PSMC5: variants seen among roughly 807,000 people sequenced by gnomAD.
The protein encoded by PSMC5 is 26S proteasome regulatory subunit 8.
Under a neutral mutation model 49.1 loss-of-function variants are expected in PSMC5, and 11 were observed. The observed-to-expected ratio is 0.22, with a 90% CI of 0.14 to 0.37. The LOEUF (loss-of-function observed/expected upper bound fraction) is 0.37, where lower values mean the gene tolerates loss of function less well. Ranked by LOEUF, PSMC5 falls within the 10% of genes least tolerant of loss-of-function variation. PSMC5 has a pLI of 1.00. For synonymous variants in PSMC5, 206 were observed against 192.2 expected (o/e 1.07, Z -0.59); for missense variants, 229 against 520.9 (o/e 0.44, Z 5.45).
At position 63,831,830 on chromosome 17, in the gene PSMC5, T is replaced by C. The variant is rs747135885; in HGVS notation, c.1167+20T>C. 3 of 1,613,772 alleles carry C rather than the reference T, an allele frequency of 1.9e-6. No individual in the cohort carries two copies. The highest frequency in any genetic ancestry group is 2.5e-6 in the Non-Finnish European group (3 of 1,179,768). On this transcript the variant is annotated intron_variant, in intron 11 of 11. Transcript: ENST00000310144. This position sits in a 1 kb window ranked among gnomAD's most constrained non-coding sequence, Gnocchi z 6.3. Reference sequence around the variant, plus strand: ...GCCAAGGTATAGGCCTCCATCTTTGTGCCTTTGCCAGTGGTGGCTCTGGGG... The same window carrying C: ...GCCAAGGTATAGGCCTCCATCTTTGCGCCTTTGCCAGTGGTGGCTCTGGGG...
Position 63,830,657 on chromosome 17 carries a change from G to A in PSMC5, c.553-152G>A. ...GAGTGGCTGGGGAAGTGTTCCTAGGGCGGTGAGGTGGTTTGGATAGAAGGG... is the reference window on the plus strand; with the variant it reads ...GAGTGGCTGGGGAAGTGTTCCTAGGACGGTGAGGTGGTTTGGATAGAAGGG... On this transcript the variant is annotated intron_variant, in intron 6 of 11. Transcript: ENST00000310144. This position sits in a 1 kb window ranked among gnomAD's most constrained non-coding sequence, Gnocchi z 4.0. The A allele has an allele frequency of 1.4e-6, 2 of 1,454,592 alleles. No individual in the cohort carries two copies. 90.1% of individuals were successfully genotyped at this position (1,454,592 alleles called of 1,614,324 possible).
Position 63,828,171 on chromosome 17 carries a change from C to T in PSMC5, c.58C>T (p.Leu20Phe), listed in dbSNP as rs2040135152. Residue 20 changes from leucine (L) to phenylalanine (F), a missense_variant, in exon 2 of 12, where the codon CTC becomes TTC. Transcript: ENST00000310144. ...ELEEGKAGSG[L>F]RQYYLSKIEE... ...GGAGGAGGGGAAGGCAGGCAGCGGA[C>T]TCCGCCAATATTATCTGTCCAAGAT... 1 of 1,614,132 alleles carries T rather than the reference C, an allele frequency of 6.2e-7. No homozygotes were observed. Among genetic ancestry groups the T allele is most frequent in the Admixed American group, 1.7e-5 (1 of 60,016 alleles).
chr17:63,829,826 G>T, intron 3 of PSMC5, 26 bp from the exon 4 acceptor site: 1 of 1,610,832 alleles, frequency 6.2e-7, no homozygotes, highest in South Asian at 1.1e-5. Context: ...GTAGCTAGGT[G>T]ACCACTGTGT....
At chr17:63,827,904 C>T (rs756399375) in intron 1 of PSMC5, 118 of 1,408,224 alleles carry the variant, frequency 8.4e-5, no homozygotes, top group Non-Finnish European at 1.0e-4. Flanking sequence ...GCCTCTCGGT[C>T]CTCCTAAAAG....
chr17:63,828,674 C>A, intron 2 of PSMC5: 1 of 160,000 alleles, frequency 6.3e-6, no homozygotes, highest in Non-Finnish European at 1.4e-5. Context: ...GAGCCCTAGC[C>A]TAAAGCGCTA....
rs758978423 is a variant in PSMC5, at chr17:63,831,825, CT to C, written c.1167+18del. 11 of 1,613,938 alleles carry C rather than the reference CT, an allele frequency of 6.8e-6. No individual in the cohort carries two copies. The highest frequency in any genetic ancestry group is 1.6e-4 in the Middle Eastern group (1 of 6,062). ...CAGTAGCCAAGGTATAGGCCTCCAT[CT>C]TTGTGCCTTTGCCAGTGGTGGCTCT... is the stretch of plus-strand genomic sequence containing the variant. On this transcript the variant is annotated intron_variant, in intron 11 of 11. Transcript: ENST00000310144. This position sits in a 1 kb window ranked among gnomAD's most constrained non-coding sequence, Gnocchi z 6.3.
chr17:63,830,678 A>G lies in PSMC5; in HGVS notation c.553-131A>G, dbSNP rs1221063923. On this transcript the variant is annotated intron_variant, in intron 6 of 11. Transcript: ENST00000310144. The surrounding 1 kb of genome is among the most constrained non-coding windows in gnomAD (Gnocchi z 4.0). ...TAGGGCGGTGAGGTGGTTTGGATAG[A>G]AGGGACCTTGATGTTCCTTTTTTTT... The G allele has an allele frequency of 7.0e-7, 1 of 1,428,564 alleles. No homozygotes were observed. The highest frequency in any genetic ancestry group is 9.2e-7 in the Non-Finnish European group (1 of 1,085,718). The allele number at this position is 1,428,564 out of a possible 1,614,324, so 88.5% of individuals were successfully genotyped here.
Position 63,830,253 on chromosome 17 carries a change from C to T in PSMC5, c.322-18C>T, listed in dbSNP as rs924099352. ...AGCTCTTACTGTACCACTTCTGAAACTCGCCCCCTTCACCCAGGTGACACC... is the reference window on the plus strand; with the variant it reads ...AGCTCTTACTGTACCACTTCTGAAATTCGCCCCCTTCACCCAGGTGACACC... On this transcript the variant is annotated intron_variant, in intron 5 of 11. Coordinates refer to ENST00000310144, the MANE Select transcript of PSMC5 (RefSeq NM_002805.6). This position sits in a 1 kb window ranked among gnomAD's most constrained non-coding sequence, Gnocchi z 4.0. 2.0e-5 allele frequency: 32 copies of T among 1,614,034 alleles called. No homozygotes were observed. The highest frequency in any genetic ancestry group is 2.7e-5 in the Non-Finnish European group (32 of 1,179,984).
intron 2 of PSMC5, chr17:63,829,276 T>G (rs879926464): frequency 5.5e-6 from 3 of 542,254 alleles, no homozygotes; most frequent in Non-Finnish European, 9.9e-6. Flanking sequence ...TGGACCAGTA[T>G]TGGACAAGCA....
Position 63,831,040 on chromosome 17 carries a change from A to C in PSMC5, c.684A>C (p.Ala228=). Residue 228 remains alanine, a synonymous_variant, in exon 8 of 12, where the codon GCA becomes GCC. Transcript: ENST00000310144. The surrounding 1 kb of genome is among the most constrained non-coding windows in gnomAD (Gnocchi z 6.3). ...ACCAGCTCGGCCTCCACACAGGGGC[A>C]AGAATGGTGAGGGAGCTGTTTGTCA... ...ELVQKFIGEG[A]RMVRELFVMA... is the part of the protein sequence containing the mutation. The C allele has an allele frequency of 6.3e-7, 1 of 1,577,012 alleles. No homozygotes were observed. Among genetic ancestry groups the C allele is most frequent in the Non-Finnish European group, 8.6e-7 (1 of 1,159,464 alleles).
At position 63,829,871 on chromosome 17, in the gene PSMC5, G is replaced by A. The variant is rs1213493467; in HGVS notation, c.186G>A (p.Glu62=). 2 of 1,614,052 alleles carry A rather than the reference G, an allele frequency of 1.2e-6. No individual in the cohort carries two copies. The highest frequency in any genetic ancestry group is 3.3e-5 in the Admixed American group (2 of 60,010). Residue 62 remains glutamate, a synonymous_variant, in exon 4 of 12, where the codon GAG becomes GAA. Coordinates refer to ENST00000310144, the MANE Select transcript of PSMC5 (RefSeq NM_002805.6). ...LNAKVRLLRE[E]LQLLQEQGSY... ...ATCTAGTTCGCCTATTGCGGGAGGA[G>A]CTACAGCTGCTGCAGGAGCAGGGCT...
chr17:63,827,480 GA>G lies in PSMC5; in HGVS notation c.-9del. On this transcript the variant is annotated 5_prime_UTR_variant, in exon 1 of 12. Coordinates refer to ENST00000310144, the MANE Select transcript of PSMC5 (RefSeq NM_002805.6). ...GGCTCGGATGCCGGCGGTCTCTGCT[GA>G]AGAGAGAAGATGGCGCTTGACGGAC... 1 of 1,551,752 alleles carries G rather than the reference GA, an allele frequency of 6.4e-7. No individual in the cohort carries two copies. Among genetic ancestry groups the G allele is most frequent in the Middle Eastern group, 1.7e-4 (1 of 5,992 alleles).
rs776302363 is a variant in PSMC5 at position 63,828,237 on chromosome 17, G to T, written c.96+28G>T. The T allele has an allele frequency of 2.3e-5, 37 of 1,607,668 alleles. 1 individual carries two copies. In the African/African-American group the frequency reaches 3.6e-4, roughly 16 times the overall value. ...GAGGACGGACTCCAGAGGGAGCTAG[G>T]AAGGGTGATGATGGGGGATGGAAAC... On this transcript the variant is annotated intron_variant, in intron 2 of 11. Transcript: ENST00000310144.
chr17:63,829,836 T>C lies in PSMC5; in HGVS notation c.167-16T>C, dbSNP rs370872032. The C allele has an allele frequency of 1.4e-5, 23 of 1,613,244 alleles. No individual in the cohort carries two copies. In the African/African-American group the frequency reaches 3.1e-4, roughly 22 times the overall value. ...AAGGAGTAGCTAGGTGACCACTGTGTCTGTTTGCCATCTAGTTCGCCTATT... is the reference window on the plus strand; with the variant it reads ...AAGGAGTAGCTAGGTGACCACTGTGCCTGTTTGCCATCTAGTTCGCCTATT... On this transcript the variant is annotated splice_polypyrimidine_tract_variant and intron_variant, in intron 3 of 11. Transcript: ENST00000310144.
chr17:63,831,780 T>C lies in PSMC5; in HGVS notation c.1137T>C (p.Thr379=). 6.2e-7 allele frequency: 1 copy of C among 1,614,158 alleles called. No homozygotes were observed. The highest frequency in any genetic ancestry group is 8.5e-7 in the Non-Finnish European group (1 of 1,180,036). The change falls in exon 11 of 12, where the codon ACT becomes ACC. Residue 379 remains threonine, a synonymous_variant. Transcript: ENST00000310144. This position sits in a 1 kb window ranked among gnomAD's most constrained non-coding sequence, Gnocchi z 6.3. ...TGCGAGAACGGCGAGTCCATGTCAC[T>C]CAGGAGGACTTTGAGATGGCAGTAG... is the stretch of plus-strand genomic sequence containing the variant. The part of the protein sequence containing the change: ...YALRERRVHV[T]QEDFEMAVAK...
Position 63,831,843 on chromosome 17 carries a change from G to C in PSMC5, c.1167+33G>C, listed in dbSNP as rs776648573. The C allele has an allele frequency of 4.3e-6, 7 of 1,613,162 alleles. No homozygotes were observed. The African/African-American group carries it at 8.0e-5, about 18-fold the overall frequency. On this transcript the variant is annotated intron_variant, in intron 11 of 11. Coordinates refer to ENST00000310144, the MANE Select transcript of PSMC5 (RefSeq NM_002805.6). This position sits in a 1 kb window ranked among gnomAD's most constrained non-coding sequence, Gnocchi z 6.3. The stretch of plus-strand genomic sequence containing the variant: ...CCTCCATCTTTGTGCCTTTGCCAGT[G>C]GTGGCTCTGGGGCAGTGGGCTAGGG...
chr17:63,828,088 AC>A (rs2040133654), intron 1 of PSMC5, 49 bp from the exon 2 acceptor site: 1 of 1,604,888 alleles, frequency 6.2e-7, no homozygotes, highest in Non-Finnish European at 8.5e-7. Flanking sequence ...AAGTGGCTTT[AC>A]CCCCTCGGAT....
rs1019909347 is a variant in PSMC5 at position 63,831,672 on chromosome 17, G to A, written c.1081-52G>A. ...GAGGCAGGAAGCTCTGGGCTCAAGG[G>A]CCACAGATGAGGGGCACAGCAGTGG... On this transcript the variant is annotated intron_variant, in intron 10 of 11. Transcript: ENST00000310144. The surrounding 1 kb of genome is among the most constrained non-coding windows in gnomAD (Gnocchi z 6.3). 3.2e-5 allele frequency: 51 copies of A among 1,612,308 alleles called. No homozygotes were observed. In the Middle Eastern group the frequency reaches 6.6e-4, roughly 21 times the overall value.
intron 2 of PSMC5, chr17:63,828,468 C>G (rs2040140094): frequency 2.8e-6 from 1 of 351,050 alleles, no homozygotes; most frequent in African/African-American, 2.1e-5. Context: ...AAAGGTACCT[C>G]TAGCCAAAGG....
Sources: allele counts gnomAD v4.1 joint callset, GRCh38; gene constraint gnomAD v4.1.1; non-coding constraint Gnocchi (gnomAD v3.1); transcripts MANE v1.5; gene names NCBI Gene and HGNC (gene_info 2026-07-23, HGNC 2026-07-21).